Variants in AKAP6 observed in about 807,000 individuals in gnomAD.
The protein encoded by AKAP6 is A-kinase anchoring protein 6, also known as A-kinase anchor protein 6.
AKAP6 carries 58 observed loss-of-function variants against 188.5 expected under a neutral mutation model. That is an observed-to-expected ratio of 0.31 (90% CI 0.25 to 0.38). AKAP6 has a LOEUF of 0.38. Among genes scored for constraint, AKAP6 ranks in the 10% least tolerant of loss-of-function variants. AKAP6 has a pLI of 1.00. For missense variants in AKAP6, 2,710 were observed against 2,740.0 expected (o/e 0.99, Z 0.24); for synonymous variants, 989 against 998.6 (o/e 0.99, Z 0.18).
chr14:32,632,064 T>G (rs1388442688), intron 7 of AKAP6, among the ~76,000 whole-genome samples: 1 of 152,074 alleles, frequency 6.6e-6, no homozygotes, highest in Non-Finnish European at 1.5e-5. Flanking sequence ...TTTTGGTGTT[T>G]TGTTTGTCTG....
At chr14:32,765,752 C>A (rs1348348666) in intron 11 of AKAP6, among the ~76,000 whole-genome samples, 1 of 149,826 alleles carries the variant, frequency 6.7e-6, no homozygotes, top group African/African-American at 2.4e-5. Context: ...GTAAATTAAT[C>A]CTTGTATCCA....
At chr14:32,484,279 AG>A in intron 2 of AKAP6, 1 of 116,560 alleles carries the variant, frequency 8.6e-6, no homozygotes, top group Non-Finnish European at 1.3e-5. Flanking sequence ...GGGTTATGGC[AG>A]GGGGTTTTAT....
At chr14:32,497,801 A>T (rs572155740) in intron 2 of AKAP6, among the ~76,000 whole-genome samples, 1 of 152,098 alleles carries the variant, frequency 6.6e-6, no homozygotes, top group South Asian at 2.1e-4. Flanking sequence ...TTTTTGCTAT[A>T]TGTATTTTGA....
chr14:32,720,851 T>C (rs2030493947), intron 9 of AKAP6, among the ~76,000 whole-genome samples: 1 of 152,096 alleles, frequency 6.6e-6, no homozygotes, highest in Admixed American at 6.6e-5. Context: ...AGCAAGAACC[T>C]GTCTCAAAAA....
chr14:32,688,996 A>G (rs1233951307), intron 8 of AKAP6, among the ~76,000 whole-genome samples: 2 of 152,150 alleles, frequency 1.3e-5, no homozygotes, highest in African/African-American at 4.8e-5. Context: ...TGCCCAACTC[A>G]CACCAGTGTG....
intron 7 of AKAP6, among the ~76,000 whole-genome samples, chr14:32,622,463 C>G (rs1219782177): frequency 6.6e-6 from 1 of 151,566 alleles, no homozygotes; most frequent in Non-Finnish European, 1.5e-5. Flanking sequence ...TCAAATAAGC[C>G]CATATAACCA....
chr14:32,573,135 AG>A (rs1884567429), intron 4 of AKAP6, among the ~76,000 whole-genome samples: 2 of 152,302 alleles, frequency 1.3e-5, no homozygotes, highest in African/African-American at 4.8e-5. Context: ...AGCAGCAGAA[AG>A]GGACAATAAG....
chr14:32,547,122 C>T lies in AKAP6; in HGVS notation c.2346+123C>T, dbSNP rs1883234535. On this transcript the variant is annotated intron_variant, in intron 4 of 13. Transcript: ENST00000280979. ...GCTATTTTTGATAAATCTGATTCTC[C>T]AAAGAAAGAAAAGAAAAAGCACAAT... 1.5e-5 allele frequency: 15 copies of T among 987,752 alleles called. No homozygotes were observed. In the South Asian group the frequency reaches 2.2e-4, roughly 14 times the overall value. 61.2% of individuals were successfully genotyped at this position (987,752 alleles called of 1,614,324 possible).
In AKAP6 at chr14:32,821,726, C is replaced by G. The variant is rs1393934706; in HGVS notation, c.3913C>G (p.Leu1305Val). The G allele has an allele frequency of 1.2e-6, 2 of 1,613,680 alleles. No individual in the cohort carries two copies. Among genetic ancestry groups the G allele is most frequent in the African/African-American group, 2.7e-5 (2 of 74,868 alleles). ...ELYEDNHMPFLKNNPKVTGMT... is the reference protein window; with the variant it reads ...ELYEDNHMPFVKNNPKVTGMT... ...CTATGAGGACAACCACATGCCATTTCTGAAAAACAATCCAAAGGTCACTGG... is the reference window on the plus strand; with the variant it reads ...CTATGAGGACAACCACATGCCATTTGTGAAAAACAATCCAAAGGTCACTGG... The change falls in exon 13 of 14, where the codon CTG (leucine) becomes GTG (valine). Residue 1305 changes from leucine (L) to valine (V), a missense_variant. Physicochemically the swap from Leu to Val is conservative, Grantham distance 32. Coordinates refer to ENST00000280979, the MANE Select transcript of AKAP6 (RefSeq NM_004274.5).
chr14:32,539,739 A>T (rs1319714290), intron 3 of AKAP6, among the ~76,000 whole-genome samples: 9 of 152,190 alleles, frequency 5.9e-5, no homozygotes, highest in Admixed American at 5.9e-4. Flanking sequence ...CCTATGAGAA[A>T]CAAACCTTTG....
At chr14:32,416,254 T>G (rs1242277540) in intron 1 of AKAP6, among the ~76,000 whole-genome samples, 1 of 152,222 alleles carries the variant, frequency 6.6e-6, no homozygotes, top group Non-Finnish European at 1.5e-5. Flanking sequence ...CCAGTCAGTA[T>G]GAGGCAATAC....
chr14:32,817,810 T>C (rs1232791569), intron 12 of AKAP6, among the ~76,000 whole-genome samples: 1 of 152,206 alleles, frequency 6.6e-6, no homozygotes, highest in African/African-American at 2.4e-5. Flanking sequence ...AACAAACGTT[T>C]GATTAGCTTG....
chr14:32,333,447 C>T (rs1886595371), intron 1 of AKAP6, among the ~76,000 whole-genome samples: 2 of 152,102 alleles, frequency 1.3e-5, no homozygotes, highest in Non-Finnish European at 2.9e-5. Flanking sequence ...ATCTCTTCCC[C>T]AGCTACATTC....
chr14:32,474,761 T>A (rs1341391330), intron 2 of AKAP6, among the ~76,000 whole-genome samples: 1 of 152,262 alleles, frequency 6.6e-6, no homozygotes, highest in Non-Finnish European at 1.5e-5. Context: ...TTGTTTGATA[T>A]TTGCACTTCA....
At chr14:32,579,371 T>C (rs1043024232) in intron 5 of AKAP6, among the ~76,000 whole-genome samples, 3 of 152,174 alleles carry the variant, frequency 2.0e-5, no homozygotes, top group African/African-American at 7.2e-5. Context: ...TTTTCTCTAC[T>C]ATCCCATGTC....
intron 2 of AKAP6, among the ~76,000 whole-genome samples, chr14:32,469,772 A>T (rs1878671579): frequency 6.7e-6 from 1 of 148,592 alleles, no homozygotes; most frequent in African/African-American, 2.5e-5. Context: ...CTGCTCGGAG[A>T]TGTTTCTAAA....
intron 12 of AKAP6, among the ~76,000 whole-genome samples, chr14:32,794,536 G>A (rs2033705843): frequency 6.6e-6 from 1 of 152,066 alleles, no homozygotes; most frequent in African/African-American, 2.4e-5. Flanking sequence ...TTCCAGCCTG[G>A]GCAAAAGAAT....
rs1306705786 is a variant in AKAP6 at position 32,761,232 on chromosome 14, T to C, written c.3373-12446T>C. Among the ~76,000 whole-genome samples the C allele has an allele frequency of 2.0e-5, 3 of 152,220 alleles. No individual in the cohort carries two copies. In the East Asian group the frequency reaches 5.8e-4, roughly 29 times the overall value. On this transcript the variant is annotated intron_variant, in intron 11 of 13. Transcript: ENST00000280979. ...CTTTTTCTCTCTAGTATCATTTTCCTTCTTTTTAGAGGTGTTATTTCCCCA... is the reference window on the plus strand; with the variant it reads ...CTTTTTCTCTCTAGTATCATTTTCCCTCTTTTTAGAGGTGTTATTTCCCCA...
rs147754917 is a variant in AKAP6 at position 32,561,313 on chromosome 14, G to C, written c.2346+14314G>C. On this transcript the variant is annotated intron_variant, in intron 4 of 13. Transcript: ENST00000280979. The stretch of plus-strand genomic sequence containing the variant: ...GCACCATATATATTAGAAATAACTA[G>C]GGTAAGAACCTTAATTCTGCCCCTA... 3.7e-3 allele frequency among the ~76,000 whole-genome samples: 561 copies of C among 152,170 alleles called. 6 individuals are homozygous for C. Among genetic ancestry groups the C allele is most frequent in the Non-Finnish European group, 5.9e-3 (399 of 68,004 alleles).
Sources: allele counts gnomAD v4.1 joint callset (sites outside exome capture counted in the v4.1 genomes callset), GRCh38; gene constraint gnomAD v4.1.1; transcripts MANE v1.5; gene names NCBI Gene and HGNC (gene_info 2026-07-23, HGNC 2026-07-21).